Variants in ITSN2 observed in about 807,000 individuals in gnomAD.
ITSN2 encodes intersectin-2.
ITSN2 carries 156 observed loss-of-function variants against 243.7 expected under a neutral mutation model. The observed-to-expected ratio is 0.64, with a 90% CI of 0.56 to 0.73. ITSN2 has a LOEUF of 0.73. Ranked by LOEUF, ITSN2 falls within the 30% of genes least tolerant of loss-of-function variation. The pLI is 0.00. For synonymous variants in ITSN2, 703 were observed against 699.9 expected (o/e 1.00, Z -0.07); for missense variants, 1,801 against 1,996.1 (o/e 0.90, Z 1.86).
intron 29 of ITSN2, among the ~76,000 whole-genome samples, chr2:24,227,452 G>A (rs1671157132): frequency 6.6e-6 from 1 of 152,104 alleles, no homozygotes; most frequent in African/African-American, 2.4e-5. Context: ...AGGGCTTGAA[G>A]CCATAGGTAG....
At chr2:24,278,870 G>A (rs1015956052) in intron 17 of ITSN2, among the ~76,000 whole-genome samples, 2 of 151,864 alleles carry the variant, frequency 1.3e-5, no homozygotes, top group Non-Finnish European at 1.5e-5. Context: ...CAGGCTGGTC[G>A]TGAATTGTTG....
intron 23 of ITSN2, among the ~76,000 whole-genome samples, chr2:24,256,133 A>T (rs1257617414): frequency 1.3e-5 from 2 of 152,252 alleles, no homozygotes; most frequent in Non-Finnish European, 2.9e-5. Flanking sequence ...CTGAGGCAGG[A>T]GAATTGCTTA....
intron 1 of ITSN2, among the ~76,000 whole-genome samples, chr2:24,350,761 G>A (rs1194410139): frequency 6.6e-6 from 1 of 152,100 alleles, no homozygotes; most frequent in African/African-American, 2.4e-5. Flanking sequence ...ACCATATATT[G>A]TATAATTCCA....
At chr2:24,349,976 T>C (rs1395932417) in intron 1 of ITSN2, among the ~76,000 whole-genome samples, 1 of 152,214 alleles carries the variant, frequency 6.6e-6, no homozygotes, top group African/African-American at 2.4e-5. Context: ...AATTTTCTAG[T>C]GCTGCCAAAG....
rs1053730428 is a variant in ITSN2 at position 24,225,544 on chromosome 2, C to G, written c.3578-4478G>C. 6.6e-6 allele frequency among the ~76,000 whole-genome samples: 1 copy of G among 152,150 alleles called. No homozygotes were observed. The highest frequency in any genetic ancestry group is 1.9e-4 in the East Asian group (1 of 5,172). On this transcript the variant is annotated intron_variant, in intron 29 of 39. Coordinates refer to ENST00000355123, the MANE Select transcript of ITSN2 (RefSeq NM_006277.3). This position sits in a 1 kb window ranked among gnomAD's most constrained non-coding sequence, Gnocchi z 4.2. The stretch of plus-strand genomic sequence containing the variant: ...GGCTTTTTTGGAGACTTGAGTCTGC[C>G]TTTCTCAGCCCTTGAGCCTCTCCTC...
At position 24,282,771 on chromosome 2, in the gene ITSN2, C is replaced by T. The variant is rs369132648; in HGVS notation, c.1944+1992G>A. ...TTCAAGGGGGACAAGGGAACCTTTC[C>T]CGTTTTACTGTCAACTTCCTACTCT... On this transcript the variant is annotated intron_variant, in intron 17 of 39. Transcript: ENST00000355123. 8.4e-4 allele frequency among the ~76,000 whole-genome samples: 128 copies of T among 152,252 alleles called. No homozygotes were observed. In the South Asian group the frequency reaches 0.019, roughly 22 times the overall value.
At chr2:24,295,348 C>A (rs1430784580) in intron 14 of ITSN2, among the ~76,000 whole-genome samples, 2 of 152,196 alleles carry the variant, frequency 1.3e-5, no homozygotes, top group Admixed American at 1.3e-4. Context: ...GCTCTATCAT[C>A]CATGCTGGAG....
intron 30 of ITSN2, chr2:24,220,330 GAA>G: frequency 1.0e-6 from 1 of 985,392 alleles, no homozygotes; most frequent in Non-Finnish European, 1.2e-6. Flanking sequence ...AGTAGAAATG[GAA>G]AGTCTTCTTT....
intron 2 of ITSN2, 59 bp downstream of exon 2, chr2:24,327,993 T>G: frequency 7.2e-7 from 1 of 1,383,120 alleles, no homozygotes; most frequent in Non-Finnish European, 9.6e-7. Context: ...ATTTTAAACC[T>G]CTACCAAAAA....
At chr2:24,297,829 T>C (rs1005236073) in intron 13 of ITSN2, among the ~76,000 whole-genome samples, 9 of 152,192 alleles carry the variant, frequency 5.9e-5, no homozygotes, top group African/African-American at 1.9e-4. Context: ...ACATGGTTCA[T>C]CAGTGTCTGA....
At chr2:24,284,711 AAT>A in intron 17 of ITSN2, 50 bp downstream of exon 17, 1 of 1,106,622 alleles carries the variant, frequency 9.0e-7, no homozygotes, top group Non-Finnish European at 1.4e-6. Context: ...GTTTTAAAAA[AAT>A]AAAACAGCAA....
In ITSN2 at chr2:24,249,405, C is replaced by G. The variant is rs1007803874; in HGVS notation, c.3121-523G>C. Among the ~76,000 whole-genome samples the G allele has an allele frequency of 6.6e-6, 1 of 152,168 alleles. No homozygotes were observed. The highest frequency in any genetic ancestry group is 6.5e-5 in the Admixed American group (1 of 15,268). ...GACCTAAGAACAAAAAATCCCTATC[C>G]TGTGTAGCAACTATTACTTCTGTTT... On this transcript the variant is annotated intron_variant, in intron 25 of 39. Transcript: ENST00000355123. This position sits in a 1 kb window ranked among gnomAD's most constrained non-coding sequence, Gnocchi z 4.4.
intron 20 of ITSN2, among the ~76,000 whole-genome samples, chr2:24,263,282 A>C (rs1676153261): frequency 6.6e-6 from 1 of 152,146 alleles, no homozygotes; most frequent in South Asian, 2.1e-4. Flanking sequence ...CACTTAACTC[A>C]CTGAATAAAT....
intron 37 of ITSN2, among the ~76,000 whole-genome samples, chr2:24,206,879 G>A (rs1573843656): frequency 6.6e-6 from 1 of 152,252 alleles, no homozygotes; most frequent in East Asian, 1.9e-4. Context: ...GGGTGTCATG[G>A]AGGAGGCTGT....
intron 8 of ITSN2, among the ~76,000 whole-genome samples, chr2:24,307,322 C>T (rs1682681136): frequency 1.3e-5 from 2 of 151,198 alleles, no homozygotes; most frequent in South Asian, 4.2e-4. Flanking sequence ...CTAATTGTAG[C>T]ACACATCCTA....
At chr2:24,237,678 C>G (rs1206006875) in intron 29 of ITSN2, among the ~76,000 whole-genome samples, 2 of 152,162 alleles carry the variant, frequency 1.3e-5, no homozygotes, top group Non-Finnish European at 2.9e-5. Context: ...AAATAACTGA[C>G]TTTTCCACCG....
At chr2:24,257,749 G>A (rs969742195) in intron 23 of ITSN2, 139 bp downstream of exon 23, 16 of 707,564 alleles carry the variant, frequency 2.3e-5, no homozygotes, top group Non-Finnish European at 2.4e-5. Context: ...GAGCCACCAC[G>A]GCCGGCCAGA....
chr2:24,218,171 C>T (rs1428974500), intron 30 of ITSN2, among the ~76,000 whole-genome samples, 158 bp from the exon 31 acceptor site: 3 of 152,232 alleles, frequency 2.0e-5, no homozygotes, highest in Non-Finnish European at 4.4e-5. Flanking sequence ...ACTTATGACA[C>T]ATTTTATACT....
intron 34 of ITSN2, 88 bp from the exon 35 acceptor site, chr2:24,210,121 C>T: frequency 1.1e-6 from 1 of 918,820 alleles, no homozygotes; most frequent in Non-Finnish European, 1.7e-6. Context: ...CCTGAGGATA[C>T]TGTGGTGGAG....
Sources: allele counts gnomAD v4.1 joint callset (sites outside exome capture counted in the v4.1 genomes callset), GRCh38; gene constraint gnomAD v4.1.1; non-coding constraint Gnocchi (gnomAD v3.1); transcripts MANE v1.5; gene names NCBI Gene and HGNC (gene_info 2026-07-23, HGNC 2026-07-21).